Variants in OR2AT4 observed in about 807,000 individuals in gnomAD.
OR2AT4 encodes olfactory receptor 2AT4.
A neutral mutation model predicts 10.3 loss-of-function variants in OR2AT4; 6 were observed. That is an observed-to-expected ratio of 0.58 (90% CI 0.32 to 1.15). The LOEUF is 1.15. Among genes scored for constraint, OR2AT4 ranks in the 50% most tolerant of loss-of-function variants. The probability of loss-of-function intolerance (pLI) is 0.05; values close to 1 mark genes in which losing one functional copy is unlikely to be tolerated. For missense variants in OR2AT4, 354 were observed against 393.8 expected (o/e 0.90, Z 0.85); for synonymous variants, 145 against 159.1 (o/e 0.91, Z 0.67).
At chr11:75,085,537 C>T (rs1203149857) in exon 2 of OR2AT4, 2 of 152,080 alleles carry the variant, frequency 1.3e-5, no homozygotes, top group East Asian at 3.9e-4. Context: ...AATACCAAAC[C>T]AGACAAAGAA....
At chr11:75,093,695 T>A (rs979516923) in intron 1 of OR2AT4, among the ~76,000 whole-genome samples, 4 of 152,122 alleles carry the variant, frequency 2.6e-5, no homozygotes, top group Non-Finnish European at 5.9e-5. Context: ...ATTTTCCCTA[T>A]TTTTCTTACC....
At chr11:75,095,506 G>A (rs1361484881) in intron 1 of OR2AT4, among the ~76,000 whole-genome samples, 1 of 152,016 alleles carries the variant, frequency 6.6e-6, no homozygotes, top group Non-Finnish European at 1.5e-5. Context: ...ACCACACCAG[G>A]AGCACTTTCA....
exon 2 of OR2AT4, chr11:75,086,006 A>C (rs1177412237): frequency 3.3e-5 from 5 of 152,176 alleles, no homozygotes; most frequent in Non-Finnish European, 7.4e-5. Flanking sequence ...TCAGTGGAAC[A>C]GAATAGAGAG....
exon 2 of OR2AT4, chr11:75,084,944 G>A (rs1176037899): frequency 6.6e-6 from 1 of 151,982 alleles, no homozygotes; most frequent in Admixed American, 6.5e-5. Context: ...TAAAAGTCTC[G>A]TATCAATGAT....
chr11:75,081,840 CAAG>C (rs1949268778), exon 2 of OR2AT4: 1 of 151,988 alleles, frequency 6.6e-6, no homozygotes, highest in Admixed American at 6.6e-5. Flanking sequence ...AAGATCTCTA[CAAG>C]AAGAACTCAA....
chr11:75,084,820 A>T (rs993956099), exon 2 of OR2AT4: 1 of 152,228 alleles, frequency 6.6e-6, no homozygotes, highest in Non-Finnish European at 1.5e-5. Context: ...GGGGAAATTT[A>T]AAATACATTT....
chr11:75,090,582 G>T (rs1211704095), intron 1 of OR2AT4, among the ~76,000 whole-genome samples: 1 of 152,230 alleles, frequency 6.6e-6, no homozygotes, highest in Non-Finnish European at 1.5e-5. Flanking sequence ...TGGGGACCAT[G>T]ATGTGGCTTA....
chr11:75,087,438 T>C (rs1308421764), exon 2 of OR2AT4: 1 of 152,178 alleles, frequency 6.6e-6, no homozygotes, highest in African/African-American at 2.4e-5. Context: ...AAAACTACTC[T>C]AGCTGGGGGT....
At chr11:75,082,284 C>CT (rs1487870119) in exon 2 of OR2AT4, 7 of 152,066 alleles carry the variant, frequency 4.6e-5, no homozygotes, top group African/African-American at 1.7e-4. Context: ...AAAGGACTCC[C>CT]TCTTCAATAA....
chr11:75,091,640 C>T (rs1470030933), intron 1 of OR2AT4, among the ~76,000 whole-genome samples: 1 of 152,098 alleles, frequency 6.6e-6, no homozygotes, highest in African/African-American at 2.4e-5. Context: ...AAGAGTATAT[C>T]TTCTGTATAC....
intron 1 of OR2AT4, among the ~76,000 whole-genome samples, chr11:75,095,532 C>G (rs1024576845): frequency 4.6e-5 from 7 of 152,092 alleles, no homozygotes; most frequent in African/African-American, 1.7e-4. Flanking sequence ...GTAATGGGGT[C>G]TGATCGTTTC....
chr11:75,087,072 G>A (rs1422946861), exon 2 of OR2AT4: 1 of 152,150 alleles, frequency 6.6e-6, no homozygotes, highest in South Asian at 2.1e-4. Flanking sequence ...AAAATGTCAG[G>A]CAACTAAGAA....
chr11:75,088,994 T>C, exon 2 of OR2AT4: 2 of 1,614,180 alleles, frequency 1.2e-6, no homozygotes, highest in Non-Finnish European at 1.7e-6. Context: ...AGAAGGCTTT[T>C]GCCCGTCCTT....
chr11:75,085,019 A>T (rs1042735396), exon 2 of OR2AT4: 1 of 152,114 alleles, frequency 6.6e-6, no homozygotes, highest in Non-Finnish European at 1.5e-5. Flanking sequence ...TAGAAGGAAA[A>T]AAAATATAAA....
At chr11:75,089,046 T>C (rs375273630) in exon 2 of OR2AT4, 44 of 1,613,866 alleles carry the variant, frequency 2.7e-5, no homozygotes, top group Non-Finnish European at 3.4e-5. Flanking sequence ...GATGTGGACA[T>C]AGGAGAGAAG....
intron 1 of OR2AT4, among the ~76,000 whole-genome samples, chr11:75,094,817 G>A (rs1384189249): frequency 6.6e-6 from 1 of 152,134 alleles, no homozygotes; most frequent in Non-Finnish European, 1.5e-5. Context: ...CCTTGAAAGA[G>A]TATTCTACAG....
At chr11:75,090,342 G>C (rs1015165614) in exon 2 of OR2AT4, 1 of 152,458 alleles carries the variant, frequency 6.6e-6, no homozygotes, top group Non-Finnish European at 1.5e-5. Flanking sequence ...CTCCATTTAA[G>C]CTAGGTGTCT....
chr11:75,083,185 A>C (rs1018402013), exon 2 of OR2AT4: 1 of 152,230 alleles, frequency 6.6e-6, no homozygotes, highest in Non-Finnish European at 1.5e-5. Context: ...AGAATCTATA[A>C]GGAACTTAAT....
chr11:75,093,810 CTTTTTTTTTTTTT>C (rs556380402), intron 1 of OR2AT4, among the ~76,000 whole-genome samples: 5 of 61,804 alleles, frequency 8.1e-5, no homozygotes, highest in Non-Finnish European at 8.5e-5. Context: ...TTTTCTTTTT[CTTTTTTTTTTTTT>C]TTTTTTTTTT....
Sources: gnomAD v4.1 joint callset for allele counts (sites outside exome capture counted in the v4.1 genomes callset) on GRCh38, gnomAD v4.1.1 for gene constraint, MANE v1.5 for transcripts, NCBI Gene and HGNC (gene_info 2026-07-23, HGNC 2026-07-21) for gene names.